The following SNX18 variants were observed in gnomAD, a reference collection of about 807,000 sequenced individuals.
SNX18 encodes sorting nexin 18, also known as sorting nexin-18.
A neutral mutation model predicts 48.7 loss-of-function variants in SNX18; 35 were observed. That is an observed-to-expected ratio of 0.72 (90% CI 0.55 to 0.95). SNX18 has a LOEUF of 0.95. Among genes scored for constraint, SNX18 ranks in the 40% least tolerant of loss-of-function variants. The probability of loss-of-function intolerance (pLI) is 0.00; values close to 1 mark genes in which losing one functional copy is unlikely to be tolerated. For missense variants in SNX18, 824 were observed against 871.0 expected (o/e 0.95, Z 0.68); for synonymous variants, 492 against 384.7 (o/e 1.28, Z -3.26).
At chr5:54,564,672 C>A in the SNX18 span, among the ~76,000 whole-genome samples, 2 of 152,140 alleles carry the variant, frequency 1.3e-5, no homozygotes, top group African/African-American at 2.4e-5. Context: ...CCCTGGCCAA[C>A]ATGCTGAAAC....
the SNX18 span, among the ~76,000 whole-genome samples, chr5:54,570,501 C>T: frequency 5.3e-4 from 81 of 152,328 alleles, no homozygotes; most frequent in African/African-American, 1.9e-3. Context: ...GAATGCTTAA[C>T]ATCATGTATT....
At chr5:54,632,455 A>G in the SNX18 span, among the ~76,000 whole-genome samples, 5 of 152,198 alleles carry the variant, frequency 3.3e-5, no homozygotes, top group African/African-American at 9.7e-5. Context: ...TTGTCTGTGC[A>G]CCATGGTGGC....
At chr5:54,617,617 G>A in the SNX18 span, among the ~76,000 whole-genome samples, 1 of 152,210 alleles carries the variant, frequency 6.6e-6, no homozygotes, top group Non-Finnish European at 1.5e-5. Context: ...AACACAAGTT[G>A]TAGATTAGGA....
chr5:54,639,215 T>A, the SNX18 span, among the ~76,000 whole-genome samples: 1 of 152,138 alleles, frequency 6.6e-6, no homozygotes, highest in Admixed American at 6.5e-5. Context: ...TCAGAGAACT[T>A]ATAGTTTATA....
At chr5:54,611,331 G>A in the SNX18 span, among the ~76,000 whole-genome samples, 1 of 152,022 alleles carries the variant, frequency 6.6e-6, no homozygotes, top group Non-Finnish European at 1.5e-5. Flanking sequence ...GCCCAAGATG[G>A]TCCTTTCCCC....
chr5:54,643,587 A>C, the SNX18 span: 1 of 152,222 alleles, frequency 6.6e-6, no homozygotes, highest in South Asian at 2.1e-4. Context: ...CTGTTTATTG[A>C]CTATTTGCAA....
the SNX18 span, among the ~76,000 whole-genome samples, chr5:54,603,250 AT>A: frequency 4.2e-5 from 3 of 70,968 alleles, no homozygotes; most frequent in Admixed American, 1.2e-4. Flanking sequence ...ATATATATAT[AT>A]TTTTTTAGAG....
At chr5:54,553,982 C>G in the SNX18 span, among the ~76,000 whole-genome samples, 9 of 152,322 alleles carry the variant, frequency 5.9e-5, no homozygotes, top group Non-Finnish European at 1.3e-4. Context: ...GGATTCCTTC[C>G]CATGCCCTAA....
chr5:54,527,359 G>GA (rs1491270834), intron 1 of SNX18, among the ~76,000 whole-genome samples: 1 of 50,876 alleles, frequency 2.0e-5, no homozygotes, highest in Admixed American at 2.2e-4. Context: ...TCGGGGAGCC[G>GA]GGGGGGGGGG....
the SNX18 span, among the ~76,000 whole-genome samples, chr5:54,595,161 C>T: frequency 2.0e-5 from 3 of 152,074 alleles, no homozygotes; most frequent in Non-Finnish European, 2.9e-5. Context: ...TTTGATTAAA[C>T]AATTTGTTTT....
chr5:54,557,778 TA>T, the SNX18 span, among the ~76,000 whole-genome samples: 13 of 152,352 alleles, frequency 8.5e-5, no homozygotes, highest in South Asian at 6.2e-4. Flanking sequence ...GTATAATTTA[TA>T]AAAAATTTGA....
chr5:54,541,183 A>G (rs1762463223), intron 1 of SNX18, among the ~76,000 whole-genome samples: 1 of 151,952 alleles, frequency 6.6e-6, no homozygotes, highest in Non-Finnish European at 1.5e-5. Context: ...GCCCGCCACC[A>G]CGCCCGGCTA....
the SNX18 span, among the ~76,000 whole-genome samples, chr5:54,638,970 C>G: frequency 1.3e-5 from 2 of 152,298 alleles, no homozygotes; most frequent in African/African-American, 4.8e-5. Flanking sequence ...CATAAGGTCT[C>G]TTTTAAAATA....
chr5:54,558,884 T>A, the SNX18 span, among the ~76,000 whole-genome samples: 1 of 152,094 alleles, frequency 6.6e-6, no homozygotes, highest in African/African-American at 2.4e-5. Context: ...TTCCAACCTG[T>A]AAACTTGCTG....
In SNX18 at chr5:54,525,377, T is replaced by TA. The variant is rs113164405; in HGVS notation, c.1621+5820dup. 5.4e-3 allele frequency among the ~76,000 whole-genome samples: 776 copies of TA among 144,000 alleles called. 4 individuals are homozygous for TA. The highest frequency in any genetic ancestry group is 0.015 in the African/African-American group (578 of 39,192). 94.5% of individuals were successfully genotyped at this position (144,000 alleles called of 152,430 possible). On this transcript the variant is annotated intron_variant, in intron 1 of 1. Transcript: ENST00000381410. ...GCAACACAGTGAGACCTTGTCTCTT[T>TA]AAAAAAAAAAAAAAAATTAAGGGCG...
At chr5:54,606,869 C>G in the SNX18 span, among the ~76,000 whole-genome samples, 1 of 152,100 alleles carries the variant, frequency 6.6e-6, no homozygotes, top group Non-Finnish European at 1.5e-5. Flanking sequence ...AATGTTATCA[C>G]CTGTATAGGT....
At chr5:54,555,025 A>G in the SNX18 span, among the ~76,000 whole-genome samples, 468 of 152,292 alleles carry the variant, frequency 3.1e-3, 2 homozygotes, top group Non-Finnish European at 4.5e-3. Context: ...TTCTCATGCC[A>G]CCCCAGCCAT....
chr5:54,566,743 A>G, the SNX18 span, among the ~76,000 whole-genome samples: 10 of 152,156 alleles, frequency 6.6e-5, no homozygotes, highest in Non-Finnish European at 1.3e-4. Context: ...ATATGGCCAC[A>G]CCTAACTGTA....
the SNX18 span, among the ~76,000 whole-genome samples, chr5:54,580,147 G>T: frequency 6.6e-6 from 1 of 152,006 alleles, no homozygotes; most frequent in Non-Finnish European, 1.5e-5. Flanking sequence ...AAGAGAGAGA[G>T]CTCCTAGTTA....
Sources: allele counts gnomAD v4.1 joint callset (sites outside exome capture counted in the v4.1 genomes callset), GRCh38; gene constraint gnomAD v4.1.1; transcripts MANE v1.5; gene names NCBI Gene and HGNC (gene_info 2026-07-23, HGNC 2026-07-21).